The following UBE2R2 variants were observed in gnomAD, a reference collection of about 807,000 sequenced individuals.
The protein encoded by UBE2R2 is ubiquitin-conjugating enzyme E2 R2.
UBE2R2 carries 1 observed loss-of-function variant against 27.8 expected under a neutral mutation model. The observed-to-expected ratio is 0.04, with a 90% CI of 0.01 to 0.17. The LOEUF (loss-of-function observed/expected upper bound fraction) is 0.17, where lower values mean the gene tolerates loss of function less well. UBE2R2 is among the 10% of genes least tolerant of loss of function. The pLI, the probability that UBE2R2 is intolerant of heterozygous loss-of-function variation, is 1.00. For synonymous variants in UBE2R2, 106 were observed against 113.3 expected (o/e 0.94, Z 0.41); for missense variants, 100 against 291.0 (o/e 0.34, Z 4.78).
chr9:33,859,760 TTGTGTGTGTGTGTGTG>T (rs57089790), intron 1 of UBE2R2, among the ~76,000 whole-genome samples: 46 of 130,714 alleles, frequency 3.5e-4, no homozygotes, highest in Middle Eastern at 3.7e-3. Flanking sequence ...TCTAAGCCTT[TTGTGTGTGTGTGTGTG>T]TGTGTGTGTG....
rs1483540657 is a variant in UBE2R2, at chr9:33,917,174, AGAT to A, written c.657_659del (p.Asp219del). On this transcript the variant is annotated inframe_deletion, in exon 5 of 5. Coordinates refer to ENST00000263228, the MANE Select transcript of UBE2R2 (RefSeq NM_017811.4). The stretch of plus-strand genomic sequence containing the variant: ...TGTATGATGACGACATTGATGATGA[AGAT>A]GAGGAGGAGGAAGATGCCGACTGTT... 6.8e-6 allele frequency: 11 copies of A among 1,614,210 alleles called. No individual in the cohort carries two copies. Among genetic ancestry groups the A allele is most frequent in the Non-Finnish European group, 9.3e-6 (11 of 1,180,028 alleles).
chr9:33,907,859 G>A (rs551686971), intron 3 of UBE2R2, among the ~76,000 whole-genome samples: 24 of 151,744 alleles, frequency 1.6e-4, no homozygotes, highest in African/African-American at 5.1e-4. Context: ...ACAGAGTTTC[G>A]CTCTTGTTGC....
chr9:33,815,508 G>A (rs915443454), upstream of UBE2R2, among the ~76,000 whole-genome samples: 7 of 152,202 alleles, frequency 4.6e-5, no homozygotes, highest in Non-Finnish European at 8.8e-5. Flanking sequence ...ACTTTGGGAG[G>A]CTGAGGTGGA....
intron 1 of UBE2R2, among the ~76,000 whole-genome samples, chr9:33,877,633 T>G (rs973367397): frequency 6.6e-6 from 1 of 152,144 alleles, no homozygotes; most frequent in Non-Finnish European, 1.5e-5. Flanking sequence ...TTGGTAAGGC[T>G]CTAAGAAAAC....
At chr9:33,882,333 C>T (rs1821747447) in intron 1 of UBE2R2, among the ~76,000 whole-genome samples, 1 of 152,176 alleles carries the variant, frequency 6.6e-6, no homozygotes, top group Non-Finnish European at 1.5e-5. Flanking sequence ...GTCGCCCAGG[C>T]TGGAGTGCAG....
chr9:33,876,735 G>A (rs1431056460), intron 1 of UBE2R2, among the ~76,000 whole-genome samples: 1 of 152,116 alleles, frequency 6.6e-6, no homozygotes, highest in Non-Finnish European at 1.5e-5. Flanking sequence ...CTAACATGGT[G>A]AAACCCCGTC....
intron 2 of UBE2R2, among the ~76,000 whole-genome samples, chr9:33,898,864 T>TC (rs1822183311): frequency 6.6e-6 from 1 of 152,268 alleles, no homozygotes; most frequent in South Asian, 2.1e-4. Context: ...CTTTATCTTT[T>TC]CTATTGAATT....
chr9:33,817,026 T>C (rs1238955183), upstream of UBE2R2, among the ~76,000 whole-genome samples: 8 of 58,606 alleles, frequency 1.4e-4, no homozygotes, highest in Non-Finnish European at 2.0e-4. Context: ...GAGGTGGTAG[T>C]GGAGGAGAGC....
At chr9:33,832,669 A>AAAAG (rs557191105) in intron 1 of UBE2R2, among the ~76,000 whole-genome samples, 27 of 151,894 alleles carry the variant, frequency 1.8e-4, no homozygotes, top group Non-Finnish European at 7.4e-5. Flanking sequence ...AAAAAAAAAA[A>AAAAG]AAAGAAAGAA....
chr9:33,878,037 G>A (rs543527673), intron 1 of UBE2R2, among the ~76,000 whole-genome samples: 1 of 152,188 alleles, frequency 6.6e-6, no homozygotes, highest in South Asian at 2.1e-4. Flanking sequence ...GATTACAGGC[G>A]TGAGCCACTG....
chr9:33,915,455 A>G (rs1822618659), intron 4 of UBE2R2, among the ~76,000 whole-genome samples: 1 of 152,160 alleles, frequency 6.6e-6, no homozygotes, highest in Non-Finnish European at 1.5e-5. Context: ...GGGAACAGAG[A>G]TGATGTCCCA....
At chr9:33,891,684 C>T (rs950502253) in intron 2 of UBE2R2, among the ~76,000 whole-genome samples, 2 of 151,988 alleles carry the variant, frequency 1.3e-5, no homozygotes, top group African/African-American at 4.8e-5. Context: ...AAGACAAGCG[C>T]TTTGGTCACA....
At chr9:33,860,958 G>GT (rs1821218661) in intron 1 of UBE2R2, among the ~76,000 whole-genome samples, 1 of 90,846 alleles carries the variant, frequency 1.1e-5, no homozygotes, top group Non-Finnish European at 2.2e-5. Context: ...TTGTTTGTTT[G>GT]TTTTTTGTTT....
Position 33,864,325 on chromosome 9 carries a change from C to A in UBE2R2, c.178-22556C>A, listed in dbSNP as rs74615992. Among the ~76,000 whole-genome samples, 1,266 of 152,200 alleles carry A rather than the reference C, an allele frequency of 8.3e-3. 15 individuals carry two copies. Among genetic ancestry groups the A allele is most frequent in the African/African-American group, 0.028 (1,163 of 41,520 alleles). ...GATCAGTTACCCAGGATGTCTTATC[C>A]TGGCTGTCAAGGATCCCATTTCTTA... On this transcript the variant is annotated intron_variant, in intron 1 of 4. Coordinates refer to ENST00000263228, the MANE Select transcript of UBE2R2 (RefSeq NM_017811.4).
chr9:33,914,722 G>A (rs925180092), intron 4 of UBE2R2, among the ~76,000 whole-genome samples: 4 of 152,204 alleles, frequency 2.6e-5, no homozygotes, highest in Admixed American at 2.6e-4. Flanking sequence ...CAGCTACTCG[G>A]GAGGCTGAAG....
intron 1 of UBE2R2, among the ~76,000 whole-genome samples, chr9:33,870,454 A>T (rs781180587): frequency 1.4e-4 from 22 of 152,096 alleles, no homozygotes; most frequent in Non-Finnish European, 2.6e-4. Flanking sequence ...TTATTTTTAT[A>T]ATGTACTATG....
intron 1 of UBE2R2, among the ~76,000 whole-genome samples, chr9:33,841,360 G>A (rs986863461): frequency 5.3e-5 from 8 of 152,120 alleles, no homozygotes; most frequent in African/African-American, 1.2e-4. Flanking sequence ...GATTACGGGC[G>A]TGAGCCACTG....
chr9:33,837,556 G>T (rs931716058), intron 1 of UBE2R2, among the ~76,000 whole-genome samples: 1 of 151,734 alleles, frequency 6.6e-6, no homozygotes, highest in African/African-American at 2.4e-5. Context: ...CTCCTAAGTA[G>T]CTGAGACTGT....
At chr9:33,877,823 G>GTCTGTCTGTCTGTC in intron 1 of UBE2R2, among the ~76,000 whole-genome samples, 5 of 131,104 alleles carry the variant, frequency 3.8e-5, no homozygotes, top group African/African-American at 1.3e-4. Context: ...CTGTCTGTCT[G>GTCTGTCTGTCTGTC]TCTCTCTCTC....
Sources: gnomAD v4.1 joint callset for allele counts (sites outside exome capture counted in the v4.1 genomes callset) on GRCh38, gnomAD v4.1.1 for gene constraint, MANE v1.5 for transcripts, NCBI Gene and HGNC (gene_info 2026-07-23, HGNC 2026-07-21) for gene names.